The following GRB2 variants were observed in gnomAD, a reference collection of about 807,000 sequenced individuals.
GRB2 encodes growth factor receptor bound protein 2, also known as growth factor receptor-bound protein 2.
Under a neutral mutation model 27.4 loss-of-function variants are expected in GRB2, and 2 were observed. The ratio of observed to expected loss-of-function variants is 0.07; its 90% CI spans 0.03 to 0.23. The LOEUF is 0.23. GRB2 is among the 10% of genes least tolerant of loss of function. The probability of loss-of-function intolerance (pLI) is 1.00; values close to 1 mark genes in which losing one functional copy is unlikely to be tolerated. For missense variants in GRB2, 102 were observed against 282.4 expected (o/e 0.36, Z 4.58); for synonymous variants, 94 against 99.6 (o/e 0.94, Z 0.33).
intron 2 of GRB2, among the ~76,000 whole-genome samples, chr17:75,389,190 A>G (rs1360039053): frequency 2.0e-5 from 3 of 151,980 alleles, no homozygotes; most frequent in South Asian, 2.1e-4. Context: ...ACTCTACCTT[A>G]TTTTCCACTA....
intron 2 of GRB2, among the ~76,000 whole-genome samples, chr17:75,337,899 TAC>T (rs1156771264): frequency 1.6e-3 from 151 of 97,282 alleles, no homozygotes; most frequent in African/African-American, 5.5e-3. Context: ...CTACTACTAC[TAC>T]TATTATTATT....
chr17:75,357,079 T>G (rs149051171), intron 2 of GRB2, among the ~76,000 whole-genome samples: 131 of 152,368 alleles, frequency 8.6e-4, no homozygotes, highest in Middle Eastern at 3.4e-3. Flanking sequence ...CTTGGATTAC[T>G]GCAGTGGCTT....
In GRB2 at chr17:75,320,323, G is replaced by A. The variant is rs747584778; in HGVS notation, c.*45C>T. ...GCTTGTGGGTTTAATTCTTTTGTAT[G>A]TGTTTTACATTTTTCACTTTCTTTA... On this transcript the variant is annotated 3_prime_UTR_variant, in exon 6 of 6. Coordinates refer to ENST00000316804, the MANE Select transcript of GRB2 (RefSeq NM_002086.5). This position sits in a 1 kb window ranked among gnomAD's most constrained non-coding sequence, Gnocchi z 4.3. The A allele has an allele frequency of 6.0e-6, 9 of 1,508,374 alleles. No individual in the cohort carries two copies. Among genetic ancestry groups the A allele is most frequent in the Non-Finnish European group, 3.7e-6 (4 of 1,084,500 alleles). 93.4% of individuals were successfully genotyped at this position (1,508,374 alleles called of 1,614,324 possible).
At chr17:75,398,283 T>TTATG (rs1407419277) in intron 1 of GRB2, among the ~76,000 whole-genome samples, 1 of 152,174 alleles carries the variant, frequency 6.6e-6, no homozygotes, top group Non-Finnish European at 1.5e-5. Context: ...ATTTATTTAT[T>TTATG]TTTCAGAAAG....
At chr17:75,342,519 C>A (rs542204457) in intron 2 of GRB2, among the ~76,000 whole-genome samples, 79 of 152,234 alleles carry the variant, frequency 5.2e-4, no homozygotes, top group African/African-American at 1.9e-3. Flanking sequence ...ATCCTCCCAC[C>A]TCAGCCTCCC....
chr17:75,332,829 A>C, intron 2 of GRB2, 32 bp from the exon 3 acceptor site: 1 of 1,337,712 alleles, frequency 7.5e-7, no homozygotes, highest in Non-Finnish European at 1.1e-6. Flanking sequence ...AAAAAACCCA[A>C]TCATTTCCTT....
intron 2 of GRB2, chr17:75,372,302 G>C (rs2078861731): frequency 6.6e-6 from 1 of 152,284 alleles, no homozygotes; most frequent in Admixed American, 6.5e-5. Flanking sequence ...GGTGGAAAAG[G>C]TGAAGAAGGG....
chr17:75,396,602 G>A (rs974629959), intron 1 of GRB2, among the ~76,000 whole-genome samples: 2 of 151,998 alleles, frequency 1.3e-5, no homozygotes, highest in Non-Finnish European at 2.9e-5. Context: ...GACCCAGGCT[G>A]GTCTCAAACT....
intron 2 of GRB2, among the ~76,000 whole-genome samples, chr17:75,345,377 T>G (rs1453091236): frequency 2.0e-5 from 3 of 152,134 alleles, no homozygotes; most frequent in Non-Finnish European, 2.9e-5. Flanking sequence ...CACGTAAGAC[T>G]ATGATTCAAG....
chr17:75,404,557 G>A (rs1346180085), intron 1 of GRB2, among the ~76,000 whole-genome samples: 1 of 151,360 alleles, frequency 6.6e-6, no homozygotes. Context: ...GGGGGTGGGG[G>A]GAGGAAGGGG....
intron 2 of GRB2, chr17:75,371,086 G>T: frequency 6.6e-6 from 1 of 152,542 alleles, no homozygotes; most frequent in South Asian, 2.0e-4. Flanking sequence ...AAGGTGGGAG[G>T]ACTGCTTGAG....
At chr17:75,369,683 T>G in intron 2 of GRB2, among the ~76,000 whole-genome samples, 1 of 107,058 alleles carries the variant, frequency 9.3e-6, no homozygotes, top group Non-Finnish European at 2.1e-5. Flanking sequence ...GGTGAAACCG[T>G]CTCCACCAAA....
At chr17:75,396,895 A>G (rs1228800997) in intron 1 of GRB2, among the ~76,000 whole-genome samples, 1 of 152,232 alleles carries the variant, frequency 6.6e-6, no homozygotes, top group Non-Finnish European at 1.5e-5. Flanking sequence ...TGTCACTTTC[A>G]AGGTGCTATG....
intron 4 of GRB2, among the ~76,000 whole-genome samples, chr17:75,324,056 C>A (rs1292139501): frequency 6.6e-6 from 1 of 151,818 alleles, no homozygotes; most frequent in African/African-American, 2.4e-5. Context: ...ATGATCGGCC[C>A]GCCTCAGCCT....
chr17:75,397,448 AG>A (rs1369050576), intron 1 of GRB2, among the ~76,000 whole-genome samples: 6 of 152,256 alleles, frequency 3.9e-5, no homozygotes, highest in Non-Finnish European at 5.9e-5. Context: ...ATTTTAAGAA[AG>A]GTAAGTACAG....
chr17:75,334,037 C>T (rs1011777907), intron 2 of GRB2, among the ~76,000 whole-genome samples: 1 of 152,172 alleles, frequency 6.6e-6, no homozygotes, highest in African/African-American at 2.4e-5. Context: ...ATACAGTAGT[C>T]CTCCTTATCA....
intron 2 of GRB2, among the ~76,000 whole-genome samples, chr17:75,379,428 A>G (rs1183138615): frequency 6.7e-6 from 1 of 149,872 alleles, no homozygotes; most frequent in Non-Finnish European, 1.5e-5. Context: ...AGACAGGGTC[A>G]CACACTGTCA....
intron 2 of GRB2, among the ~76,000 whole-genome samples, chr17:75,370,452 C>T (rs2078848348): frequency 6.6e-6 from 1 of 152,206 alleles, no homozygotes; most frequent in South Asian, 2.1e-4. Context: ...CAGGCTGGTA[C>T]AGCTATGTTT....
At chr17:75,370,847 T>C (rs1213303340) in intron 2 of GRB2, 1 of 152,246 alleles carries the variant, frequency 6.6e-6, no homozygotes, top group Non-Finnish European at 1.5e-5. Context: ...AAAGAACAAA[T>C]TCAGGTGGGA....
Sources: gnomAD v4.1 joint callset for allele counts (sites outside exome capture counted in the v4.1 genomes callset) on GRCh38, gnomAD v4.1.1 for gene constraint, Gnocchi (gnomAD v3.1) non-coding constraint, MANE v1.5 for transcripts, NCBI Gene and HGNC (gene_info 2026-07-23, HGNC 2026-07-21) for gene names.